Variants in EI24 observed in about 807,000 individuals in gnomAD.
EI24 encodes the protein EI24 autophagy associated transmembrane protein, also known as etoposide-induced protein 2.4 homolog.
A neutral mutation model predicts 48.6 loss-of-function variants in EI24; 21 were observed. The observed-to-expected ratio is 0.43, with a 90% CI of 0.31 to 0.62. The LOEUF is 0.62. EI24 is among the 20% of genes least tolerant of loss of function. The probability of loss-of-function intolerance (pLI) is 0.10; values close to 1 mark genes in which losing one functional copy is unlikely to be tolerated. For missense variants in EI24, 280 were observed against 410.5 expected (o/e 0.68, Z 2.75); for synonymous variants, 114 against 145.5 (o/e 0.78, Z 1.56).
chr11:125,581,190 G>T, intron 8 of EI24, 21 bp from the exon 9 acceptor site: 2 of 1,535,338 alleles, frequency 1.3e-6, no homozygotes, highest in South Asian at 2.3e-5. Flanking sequence ...ATATCTAATT[G>T]TATTGGCTTT....
At chr11:125,577,182 C>T (rs982315824) in intron 4 of EI24, among the ~76,000 whole-genome samples, 3 of 152,194 alleles carry the variant, frequency 2.0e-5, no homozygotes, top group Non-Finnish European at 4.4e-5. Flanking sequence ...ACCTCTGCCT[C>T]CCGGGTTCAA....
At chr11:125,580,776 T>G (rs917032866) in intron 8 of EI24, 1 of 154,222 alleles carries the variant, frequency 6.5e-6, no homozygotes, top group Non-Finnish European at 1.4e-5. Flanking sequence ...GCTGTAGCTC[T>G]GTTCTAAATC....
At chr11:125,578,891 T>A in intron 6 of EI24, 58 bp from the exon 7 acceptor site, 1 of 1,536,468 alleles carries the variant, frequency 6.5e-7, no homozygotes, top group African/African-American at 1.4e-5. Context: ...GGCCTTAGCT[T>A]TGGGGATGTA....
intron 5 of EI24, 121 bp downstream of exon 5, chr11:125,577,691 G>T: frequency 2.3e-6 from 2 of 862,234 alleles, no homozygotes; most frequent in Non-Finnish European, 1.8e-6. Flanking sequence ...TTTCTTTTTT[G>T]TTGTTTTATT....
At chr11:125,578,684 G>T (rs529016514) in intron 6 of EI24, among the ~76,000 whole-genome samples, 1 of 151,946 alleles carries the variant, frequency 6.6e-6, no homozygotes, top group African/African-American at 2.4e-5. Context: ...GGCCAGGCTG[G>T]TCTCAAACTC....
In EI24 at chr11:125,584,444, T is replaced by G. The variant is rs567686755; in HGVS notation, c.*761T>G. 2 of 152,736 alleles carry G rather than the reference T, an allele frequency of 1.3e-5. No homozygotes were observed. Among genetic ancestry groups the G allele is most frequent in the East Asian group, 3.9e-4 (2 of 5,182 alleles). The allele number at this position is 152,736 out of a possible 1,614,324, so 9.5% of individuals were successfully genotyped here. On this transcript the variant is annotated 3_prime_UTR_variant, in exon 11 of 11. Coordinates refer to ENST00000278903, the MANE Select transcript of EI24 (RefSeq NM_004879.5). ...CACTACAACAACACTAAACCTGAAC[T>G]TTTCAACTCCGTTGGTGGTGGGAGG...
chr11:125,578,033 T>A, intron 5 of EI24, 100 bp from the exon 6 acceptor site: 1 of 1,421,780 alleles, frequency 7.0e-7, no homozygotes, highest in Non-Finnish European at 9.8e-7. Context: ...ACTAGAAAGA[T>A]CCAGGAGGAG....
At chr11:125,582,323 T>G in intron 9 of EI24, 23 bp from the exon 10 acceptor site, 1 of 1,484,164 alleles carries the variant, frequency 6.7e-7, no homozygotes, top group Non-Finnish European at 9.0e-7. Context: ...GACTAATTAT[T>G]TCTTTTTTTT....
chr11:125,577,810 A>G, intron 5 of EI24: 4 of 563,872 alleles, frequency 7.1e-6, no homozygotes, highest in Non-Finnish European at 1.2e-5. Context: ...AGGTTAAACC[A>G]TTAGTAAGAG....
chr11:125,575,178 G>A, intron 2 of EI24, 85 bp from the exon 3 acceptor site: 2 of 1,262,850 alleles, frequency 1.6e-6, no homozygotes, highest in Non-Finnish European at 2.1e-6. Context: ...AGTGAGCTAT[G>A]ATTGAGTCAC....
chr11:125,569,709 C>G, intron 1 of EI24, 136 bp downstream of exon 1: 1 of 317,230 alleles, frequency 3.2e-6, no homozygotes, highest in East Asian at 4.9e-5. Flanking sequence ...GGGAAGGGGC[C>G]GGAGGGAGCG....
intron 4 of EI24, 35 bp downstream of exon 4, chr11:125,576,350 T>C: frequency 6.3e-7 from 1 of 1,598,034 alleles, no homozygotes. Flanking sequence ...CTTATAAGCA[T>C]CTTCAGATTG....
In EI24 at chr11:125,582,406, C is replaced by G; in HGVS notation, c.846C>G (p.Thr282=). The G allele has an allele frequency of 6.2e-7, 1 of 1,603,614 alleles. No individual in the cohort carries two copies. The highest frequency in any genetic ancestry group is 1.1e-5 in the South Asian group (1 of 89,244). ...TTATCAGCGCCAATGAAGCAAAGAC[C>G]CCTGGCAAAGCATAGTAAGTATTAG... is the stretch of plus-strand genomic sequence containing the variant. ...LFIISANEAK[T]PGKAYLFQLR... is the part of the protein sequence containing the mutation. Residue 282 remains threonine, a synonymous_variant, in exon 10 of 11, where the codon ACC becomes ACG. Coordinates refer to ENST00000278903, the MANE Select transcript of EI24 (RefSeq NM_004879.5).
At chr11:125,580,724 T>G (rs1938955291) in intron 8 of EI24, 1 of 156,340 alleles carries the variant, frequency 6.4e-6, no homozygotes, top group African/African-American at 2.4e-5. Context: ...TCTAAGAAAC[T>G]TTGCATGCTT....
chr11:125,583,944 GC>G lies in EI24; in HGVS notation c.*263del, dbSNP rs2135879842. ...TTTCTGCAGCTATTTTCTAGCATTTGCCAGTCCCTGTGCCTGGACTGATTGG... is the reference window on the plus strand; with the variant it reads ...TTTCTGCAGCTATTTTCTAGCATTTGCAGTCCCTGTGCCTGGACTGATTGG... On this transcript the variant is annotated 3_prime_UTR_variant, in exon 11 of 11. Coordinates refer to ENST00000278903, the MANE Select transcript of EI24 (RefSeq NM_004879.5). The G allele has an allele frequency of 2.0e-6, 1 of 493,838 alleles. No individual in the cohort carries two copies. The highest frequency in any genetic ancestry group is 1.9e-5 in the African/African-American group (1 of 51,322). 30.6% of individuals were successfully genotyped at this position (493,838 alleles called of 1,614,324 possible).
intron 5 of EI24, 127 bp downstream of exon 5, chr11:125,577,697 T>G (rs1048723037): frequency 7.4e-6 from 6 of 809,414 alleles, no homozygotes; most frequent in Non-Finnish European, 1.2e-5. Flanking sequence ...TTTTGTTGTT[T>G]TATTCTTTTT....
chr11:125,579,642 G>C (rs921626894), intron 7 of EI24, among the ~76,000 whole-genome samples: 1 of 152,144 alleles, frequency 6.6e-6, no homozygotes, highest in African/African-American at 2.4e-5. Context: ...ACTCCAGCCT[G>C]GGCGACAAGA....
At chr11:125,581,353 T>C in intron 9 of EI24, 31 bp downstream of exon 9, 1 of 1,443,600 alleles carries the variant, frequency 6.9e-7, no homozygotes. Context: ...TGAAGGAGAC[T>C]AGTAAAAATA....
In EI24 at chr11:125,583,764, G is replaced by C. The variant is rs1040920605; in HGVS notation, c.*81G>C. 1 of 1,549,412 alleles carries C rather than the reference G, an allele frequency of 6.5e-7. No homozygotes were observed. Among genetic ancestry groups the C allele is most frequent in the African/African-American group, 1.4e-5 (1 of 73,354 alleles). ...TTCCCTGTTCACCTCCCGCCTGCCA[G>C]GGAAGGCAGGACCCGCTCTGCCAAG... On this transcript the variant is annotated 3_prime_UTR_variant, in exon 11 of 11. Transcript: ENST00000278903.
Sources: gnomAD v4.1 joint callset for allele counts (sites outside exome capture counted in the v4.1 genomes callset) on GRCh38, gnomAD v4.1.1 for gene constraint, MANE v1.5 for transcripts, NCBI Gene and HGNC (gene_info 2026-07-23, HGNC 2026-07-21) for gene names.